The following TARBP1 variants were observed in gnomAD, a reference collection of about 807,000 sequenced individuals.
TARBP1 encodes tRNA (guanosine(18)-2'-O)-methyltransferase TARBP1.
Under a neutral mutation model 178.6 loss-of-function variants are expected in TARBP1, and 144 were observed. The observed-to-expected ratio is 0.81, with a 90% CI of 0.70 to 0.93. The LOEUF (loss-of-function observed/expected upper bound fraction) is 0.93. Among genes scored for constraint, TARBP1 ranks in the 40% least tolerant of loss-of-function variants. The pLI, the probability that TARBP1 is intolerant of heterozygous loss-of-function variation, is 0.00. For missense variants in TARBP1, 2,067 were observed against 2,011.7 expected (o/e 1.03, Z -0.53); for synonymous variants, 787 against 781.0 (o/e 1.01, Z -0.13).
intron 2 of TARBP1, 25 bp from the exon 3 acceptor site, chr1:234,471,282 T>G: frequency 1.4e-6 from 2 of 1,475,412 alleles, no homozygotes; most frequent in East Asian, 4.6e-5. Flanking sequence ...AAAAAAATCA[T>G]ATGAAATGAA....
At chr1:234,410,377 A>C (rs886305625) in intron 23 of TARBP1, 68 bp downstream of exon 23, 7 of 991,856 alleles carry the variant, frequency 7.1e-6, no homozygotes, top group African/African-American at 1.6e-5. Context: ...TCTACATATA[A>C]AAAATTGGTA....
intron 13 of TARBP1, among the ~76,000 whole-genome samples, chr1:234,436,987 G>C (rs980014220): frequency 2.0e-5 from 3 of 152,168 alleles, no homozygotes; most frequent in African/African-American, 7.2e-5. Flanking sequence ...CATTGAATGT[G>C]TGTAGTACTT....
At chr1:234,465,783 T>C (rs3736838) in intron 4 of TARBP1, 75 bp from the exon 5 acceptor site, 88,125 of 1,362,642 alleles carry the variant, frequency 0.065, 6,185 homozygotes, top group East Asian at 0.33. Flanking sequence ...GTTTCCCTGA[T>C]TGAACATCCT....
chr1:234,445,720 G>A (rs1666093329), intron 12 of TARBP1, among the ~76,000 whole-genome samples: 1 of 152,208 alleles, frequency 6.6e-6, no homozygotes, highest in African/African-American at 2.4e-5. Flanking sequence ...AAGACAAAGA[G>A]TTAACAGGAG....
chr1:234,456,263 C>T (rs1345912285), intron 9 of TARBP1, among the ~76,000 whole-genome samples: 10 of 152,242 alleles, frequency 6.6e-5, no homozygotes, highest in African/African-American at 2.4e-4. Flanking sequence ...TGCAGTGGCA[C>T]GATCTCAGCT....
At chr1:234,401,397 T>A in intron 24 of TARBP1, 135 bp from the exon 25 acceptor site, 2 of 623,692 alleles carry the variant, frequency 3.2e-6, no homozygotes, top group Admixed American at 2.7e-5. Context: ...ATCCTAAGAT[T>A]TATACACACC....
intron 9 of TARBP1, among the ~76,000 whole-genome samples, chr1:234,454,445 A>G (rs1667090105): frequency 6.6e-6 from 1 of 152,182 alleles, no homozygotes; most frequent in Non-Finnish European, 1.5e-5. Flanking sequence ...ATAGGATTTG[A>G]TTCAAAATAA....
intron 1 of TARBP1, among the ~76,000 whole-genome samples, chr1:234,473,898 C>T (rs75946087): frequency 0.13 from 20,233 of 152,014 alleles, 1,785 homozygotes; most frequent in African/African-American, 0.26. Flanking sequence ...GAGTTTTCAG[C>T]AATATCTTAA....
intron 6 of TARBP1, among the ~76,000 whole-genome samples, chr1:234,462,636 CT>C (rs1356550677): frequency 2.2e-5 from 3 of 136,016 alleles, no homozygotes; most frequent in Non-Finnish European, 3.0e-5. Flanking sequence ...TTGCAGTGAG[CT>C]GAGATCGCAC....
chr1:234,430,037 C>T (rs746249421), intron 15 of TARBP1, 50 bp downstream of exon 15: 1 of 1,535,778 alleles, frequency 6.5e-7, no homozygotes, highest in Non-Finnish European at 8.9e-7. Context: ...ATCATGAACT[C>T]ACGGTGACAA....
At chr1:234,438,029 G>T (rs1348877698) in intron 12 of TARBP1, among the ~76,000 whole-genome samples, 1 of 152,202 alleles carries the variant, frequency 6.6e-6, no homozygotes, top group Non-Finnish European at 1.5e-5. Flanking sequence ...GTGGCCAACA[G>T]ATGGAATGCA....
intron 13 of TARBP1, among the ~76,000 whole-genome samples, chr1:234,435,380 G>A (rs1664903074): frequency 6.6e-6 from 1 of 152,220 alleles, no homozygotes; most frequent in Non-Finnish European, 1.5e-5. Context: ...AGCTACTCGA[G>A]GCTGAGGCAG....
chr1:234,478,362 G>C lies in TARBP1; in HGVS notation c.742C>G (p.Arg248Gly). 7.9e-7 allele frequency: 1 copy of C among 1,268,522 alleles called. No individual in the cohort carries two copies. Among genetic ancestry groups the C allele is most frequent in the Non-Finnish European group, 9.9e-7 (1 of 1,011,538 alleles). 78.6% of individuals were successfully genotyped at this position (1,268,522 alleles called of 1,614,324 possible). ...CCCGCCTCGCGCGCGCCGCGGGCGCGGTCGCCGCCGGGCTCGGGCAACAGC... is the reference window on the plus strand; with the variant it reads ...CCCGCCTCGCGCGCGCCGCGGGCGCCGTCGCCGCCGGGCTCGGGCAACAGC... ...EKLLPEPGGD[R>G]ARGAREAGPD... Residue 248 changes from arginine (R) to glycine (G), a missense_variant, in exon 1 of 30, where the codon CGC (arginine) becomes GGC (glycine). Transcript: ENST00000040877.
chr1:234,410,261 T>G (rs1371993119), intron 23 of TARBP1, 184 bp downstream of exon 23: 2 of 463,932 alleles, frequency 4.3e-6, no homozygotes, highest in Non-Finnish European at 7.9e-6. Context: ...TGTGTATGCA[T>G]GTAAATGGGT....
At chr1:234,416,026 G>A (rs1452173493) in intron 22 of TARBP1, among the ~76,000 whole-genome samples, 1 of 152,176 alleles carries the variant, frequency 6.6e-6, no homozygotes, top group African/African-American at 2.4e-5. Flanking sequence ...GAATATACAA[G>A]GTCTAATGAC....
At chr1:234,419,045 G>A (rs1172829660) in intron 21 of TARBP1, among the ~76,000 whole-genome samples, 3 of 152,086 alleles carry the variant, frequency 2.0e-5, no homozygotes, top group East Asian at 3.9e-4. Flanking sequence ...GGTGGTGGGC[G>A]CCTGTAGTCC....
Position 234,401,281 on chromosome 1 carries a change from G to C in TARBP1, c.3990-19C>G. The C allele has an allele frequency of 6.3e-7, 1 of 1,589,734 alleles. No individual in the cohort carries two copies. The highest frequency in any genetic ancestry group is 8.6e-7 in the Non-Finnish European group (1 of 1,160,780). On this transcript the variant is annotated intron_variant, in intron 24 of 29. Transcript: ENST00000040877. ...GGCATTCCTAAGGATTAAAAATATG[G>C]TATGAGCCACAGACAAATGAAACAA...
At chr1:234,474,765 C>T (rs1669426975) in intron 1 of TARBP1, among the ~76,000 whole-genome samples, 1 of 152,156 alleles carries the variant, frequency 6.6e-6, no homozygotes, top group African/African-American at 2.4e-5. Context: ...AAAATAAAGG[C>T]ATTTAGATAT....
chr1:234,453,348 T>TTA (rs1448140678), intron 9 of TARBP1, among the ~76,000 whole-genome samples: 10 of 148,580 alleles, frequency 6.7e-5, no homozygotes, highest in African/African-American at 2.5e-4. Flanking sequence ...TTTTTTTACA[T>TTA]TATTACTTTA....
Sources: gnomAD v4.1 joint callset for allele counts (sites outside exome capture counted in the v4.1 genomes callset) on GRCh38, gnomAD v4.1.1 for gene constraint, MANE v1.5 for transcripts, NCBI Gene and HGNC (gene_info 2026-07-23, HGNC 2026-07-21) for gene names.